The following RMST variants were observed in gnomAD, a reference collection of about 807,000 sequenced individuals.
RMST encodes the protein rhabdomyosarcoma 2 associated transcript, also known as long intergenic non-protein coding RNA 54.
At chr12:97,522,129 G>A (rs1880576254) in intron 10 of RMST, among the ~76,000 whole-genome samples, 1 of 152,110 alleles carries the variant, frequency 6.6e-6, no homozygotes, top group African/African-American at 2.4e-5. Context: ...TGATTTATAA[G>A]TCCCTAAAAG....
intron 13 of RMST, among the ~76,000 whole-genome samples, chr12:97,561,325 G>A (rs1004197821): frequency 2.6e-5 from 4 of 152,176 alleles, no homozygotes; most frequent in Non-Finnish European, 5.9e-5. Context: ...GTGAGTGCAT[G>A]TCCAGTAGTT....
chr12:97,533,839 A>G (rs1881867397), intron 11 of RMST: 1 of 151,874 alleles, frequency 6.6e-6, no homozygotes, highest in African/African-American at 2.4e-5. Flanking sequence ...CCAAGGCATT[A>G]TAGTGTAAAA....
intron 11 of RMST, among the ~76,000 whole-genome samples, chr12:97,544,942 G>T (rs1337402024): frequency 6.6e-6 from 1 of 152,002 alleles, no homozygotes; most frequent in East Asian, 1.9e-4. Context: ...TAAGTACAGG[G>T]TAAAAAATTC....
Position 97,485,771 on chromosome 12 carries a change from C to T in RMST, n.645-6690C>T, listed in dbSNP as rs1876024524. On this transcript the variant is annotated intron_variant and non_coding_transcript_variant, in intron 5 of 13. Coordinates refer to ENST00000640149, the Ensembl canonical transcript of RMST. ...CAGTTCCATCTGTCCAAGTCAAGAA[C>T]TTTTTCCATCAAGGCGCAGCCATCT... is the stretch of plus-strand genomic sequence containing the variant. 2.0e-5 allele frequency among the ~76,000 whole-genome samples: 3 copies of T among 152,222 alleles called. No individual in the cohort carries two copies. The South Asian group carries it at 6.2e-4, about 31-fold the overall frequency.
At chr12:97,522,298 C>T (rs180954003) in intron 10 of RMST, among the ~76,000 whole-genome samples, 115 of 152,306 alleles carry the variant, frequency 7.6e-4, no homozygotes, top group African/African-American at 2.5e-3. Flanking sequence ...AACTTACTTT[C>T]TTATTACTTC....
chr12:97,552,824 C>T (rs1033329261), intron 11 of RMST, among the ~76,000 whole-genome samples: 7 of 152,184 alleles, frequency 4.6e-5, no homozygotes, highest in Admixed American at 2.0e-4. Flanking sequence ...TCTCGAGTTA[C>T]AAGACAGCTT....
Position 97,506,341 on chromosome 12 carries a change from T to C in RMST, n.1340+10285T>C, listed in dbSNP as rs1026707887. On this transcript the variant is annotated intron_variant and non_coding_transcript_variant, in intron 10 of 13. Transcript: ENST00000640149. ...AGACATATTGAAATCAAAATAATGG[T>C]GAGCCTCTTTCCCTATGTGAAATTC... Among the ~76,000 whole-genome samples, 9 of 152,172 alleles carry C rather than the reference T, an allele frequency of 5.9e-5. No individual in the cohort carries two copies. The East Asian group carries it at 1.8e-3, about 30-fold the overall frequency.
intron 10 of RMST, among the ~76,000 whole-genome samples, chr12:97,502,105 C>T (rs1878142610): frequency 6.6e-6 from 1 of 152,118 alleles, no homozygotes; most frequent in South Asian, 2.1e-4. Flanking sequence ...ACTTTTTCTG[C>T]AATCAGTGGA....
chr12:97,475,404 G>A (rs1285006364), intron 5 of RMST, among the ~76,000 whole-genome samples: 1 of 152,268 alleles, frequency 6.6e-6, no homozygotes, highest in East Asian at 1.9e-4. Flanking sequence ...GGGGCTGTAA[G>A]AGAAGCAGCA....
At chr12:97,538,100 C>T (rs1882209257) in intron 11 of RMST, among the ~76,000 whole-genome samples, 1 of 151,338 alleles carries the variant, frequency 6.6e-6, no homozygotes, top group African/African-American at 2.4e-5. Flanking sequence ...GTTAGTTAAA[C>T]AGGCAGCTTA....
intron 5 of RMST, among the ~76,000 whole-genome samples, chr12:97,469,141 AGTGTGTGTGTGT>A (rs10585876): frequency 7.3e-4 from 101 of 138,408 alleles, no homozygotes; most frequent in African/African-American, 2.3e-3. Context: ...AAGAGAAACC[AGTGTGTGTGTGT>A]GTGTGTGTGT....
intron 5 of RMST, among the ~76,000 whole-genome samples, chr12:97,484,315 C>T (rs1327638123): frequency 6.6e-6 from 1 of 152,132 alleles, no homozygotes; most frequent in Non-Finnish European, 1.5e-5. Flanking sequence ...GATGGCCAAG[C>T]TCAGAAGTGG....
chr12:97,524,075 C>CAGAGGA (rs57255256), intron 10 of RMST, among the ~76,000 whole-genome samples: 1 of 56,118 alleles, frequency 1.8e-5, no homozygotes, highest in African/African-American at 7.7e-5. Context: ...GACTCTGTCT[C>CAGAGGA]AAAAAAAAAA....
At chr12:97,529,980 T>G (rs1488847990) in intron 10 of RMST, among the ~76,000 whole-genome samples, 1 of 152,118 alleles carries the variant, frequency 6.6e-6, no homozygotes, top group Non-Finnish European at 1.5e-5. Context: ...GATTTGAACT[T>G]TTAGCAAAGA....
At chr12:97,548,509 A>G (rs1283778582) in intron 11 of RMST, among the ~76,000 whole-genome samples, 1 of 67,286 alleles carries the variant, frequency 1.5e-5, no homozygotes, top group African/African-American at 4.7e-5. Context: ...TCAATCCATG[A>G]ACATGGGCTA....
At chr12:97,515,738 G>A (rs1341773203) in intron 10 of RMST, among the ~76,000 whole-genome samples, 1 of 152,008 alleles carries the variant, frequency 6.6e-6, no homozygotes, top group Non-Finnish European at 1.5e-5. Flanking sequence ...TTGTTATAGG[G>A]TGATAAGTCC....
chr12:97,517,233 A>T (rs983152030), intron 10 of RMST, among the ~76,000 whole-genome samples: 4 of 152,026 alleles, frequency 2.6e-5, no homozygotes, highest in African/African-American at 9.6e-5. Flanking sequence ...AATTAATCAA[A>T]CAGAAAGGAA....
At chr12:97,494,503 T>C (rs1877197941) in intron 8 of RMST, among the ~76,000 whole-genome samples, 1 of 152,134 alleles carries the variant, frequency 6.6e-6, no homozygotes. Flanking sequence ...TGAGCTATGA[T>C]TGTGCCACTG....
At chr12:97,500,664 G>A (rs968712964) in intron 10 of RMST, among the ~76,000 whole-genome samples, 6 of 152,102 alleles carry the variant, frequency 3.9e-5, no homozygotes, top group East Asian at 1.9e-4. Flanking sequence ...CTGGGATGCC[G>A]ATATTATGAT....
Sources: allele counts gnomAD v4.1 joint callset (sites outside exome capture counted in the v4.1 genomes callset), GRCh38; gene constraint gnomAD v4.1.1; transcripts MANE v1.5; gene names NCBI Gene and HGNC (gene_info 2026-07-23, HGNC 2026-07-21).